The following PPP1R16B variants were observed in gnomAD, a reference collection of about 807,000 sequenced individuals.
PPP1R16B encodes the protein protein phosphatase 1 regulatory subunit 16B.
Under a neutral mutation model 61.7 loss-of-function variants are expected in PPP1R16B, and 14 were observed. The observed-to-expected ratio is 0.23, with a 90% confidence interval of 0.15 to 0.35. PPP1R16B has a LOEUF of 0.35. PPP1R16B is among the 10% of genes least tolerant of loss of function. The pLI, the probability that PPP1R16B is intolerant of heterozygous loss-of-function variation, is 1.00. For missense variants in PPP1R16B, 547 were observed against 752.5 expected (o/e 0.73, Z 3.19); for synonymous variants, 266 against 305.3 (o/e 0.87, Z 1.34).
At chr20:38,890,848 G>A (rs1391433652) in intron 3 of PPP1R16B, among the ~76,000 whole-genome samples, 1 of 152,220 alleles carries the variant, frequency 6.6e-6, no homozygotes, top group Admixed American at 6.5e-5. Flanking sequence ...TCTCCACCTC[G>A]GTACAAGGGC....
intron 2 of PPP1R16B, among the ~76,000 whole-genome samples, chr20:38,840,233 G>T (rs959316029): frequency 2.6e-5 from 4 of 152,188 alleles, no homozygotes; most frequent in Non-Finnish European, 5.9e-5. Context: ...GGAGGCTGCC[G>T]GGGTGTTAGC....
At chr20:38,855,929 TATATATATATATATAG>T (rs1424999996) in intron 2 of PPP1R16B, among the ~76,000 whole-genome samples, 2 of 54,662 alleles carry the variant, frequency 3.7e-5, no homozygotes, top group Non-Finnish European at 6.3e-5. Flanking sequence ...TATATATATA[TATATATATATATATAG>T]AGAGAGAGAG....
intron 1 of PPP1R16B, among the ~76,000 whole-genome samples, chr20:38,833,800 C>T (rs2084852395): frequency 6.6e-6 from 1 of 152,230 alleles, no homozygotes. Flanking sequence ...TGCTTACTCT[C>T]CAGTCTCCGA....
chr20:38,895,602 T>G lies in PPP1R16B; in HGVS notation c.359T>G (p.Leu120Arg), dbSNP rs771658390. The G allele has an allele frequency of 6.2e-7, 1 of 1,613,722 alleles. No homozygotes were observed. Among genetic ancestry groups the G allele is most frequent in the Non-Finnish European group, 8.5e-7 (1 of 1,179,672 alleles). ...AACTTTGAGGAAATTGTGAAGCTGC[T>G]CCTCTCCCATGGTGCCAATGTGAAC... ...IDNFEEIVKL[L>R]LSHGANVNAK... The change falls in exon 4 of 11, where the codon CTC becomes CGC. Residue 120 changes from leucine to arginine, a missense_variant. By Grantham distance (102) the Leu-to-Arg change is moderately radical (BLOSUM62 -2). Coordinates refer to ENST00000299824, the MANE Select transcript of PPP1R16B (RefSeq NM_015568.4).
intron 4 of PPP1R16B, among the ~76,000 whole-genome samples, chr20:38,897,146 C>CAAAT (rs560462506): frequency 6.1e-4 from 93 of 151,884 alleles, no homozygotes; most frequent in South Asian, 4.6e-3. Context: ...AACTGCACCT[C>CAAAT]AAATAAATAA....
intron 3 of PPP1R16B, among the ~76,000 whole-genome samples, chr20:38,891,550 G>A (rs1490116391): frequency 3.3e-5 from 5 of 152,188 alleles, no homozygotes; most frequent in South Asian, 2.1e-4. Context: ...CTGTAATCCC[G>A]GCTCTTTGGG....
Position 38,918,597 on chromosome 20 carries a change from A to T in PPP1R16B, c.1635A>T (p.Pro545=). The part of the protein sequence containing the change: ...VYYTVTSGDP[P]LLKFKAPIEE... ...ACACGGTCACCAGCGGAGATCCCCCACTCTTAAAGTTCAAGGCCCCCATAG... is the reference window on the plus strand; with the variant it reads ...ACACGGTCACCAGCGGAGATCCCCCTCTCTTAAAGTTCAAGGCCCCCATAG... Residue 545 remains proline (P), a synonymous_variant, in exon 11 of 11, where the codon CCA becomes CCT. Coordinates refer to ENST00000299824, the MANE Select transcript of PPP1R16B (RefSeq NM_015568.4). This position sits in a 1 kb window ranked among gnomAD's most constrained non-coding sequence, Gnocchi z 5.3. 1 of 1,528,438 alleles carries T rather than the reference A, an allele frequency of 6.5e-7. No homozygotes were observed. Among genetic ancestry groups the T allele is most frequent in the Non-Finnish European group, 8.8e-7 (1 of 1,138,710 alleles). The allele number at this position is 1,528,438 out of a possible 1,614,324, so 94.7% of individuals were successfully genotyped here. A position where few individuals can be genotyped will look rare whatever the true frequency, so the allele number is the denominator to read the frequency against.
At chr20:38,883,321 C>T (rs1170219807) in intron 2 of PPP1R16B, among the ~76,000 whole-genome samples, 1 of 152,352 alleles carries the variant, frequency 6.6e-6, no homozygotes, top group Admixed American at 6.5e-5. Context: ...CTCTGTGAGA[C>T]GGAGTGGGTC....
chr20:38,862,335 G>A (rs1395347255), intron 2 of PPP1R16B, among the ~76,000 whole-genome samples: 3 of 152,276 alleles, frequency 2.0e-5, no homozygotes, highest in East Asian at 1.9e-4. Context: ...ACTATAAGGC[G>A]GAGGATACTA....
chr20:38,866,378 C>G (rs555859534), intron 2 of PPP1R16B, among the ~76,000 whole-genome samples: 1 of 152,154 alleles, frequency 6.6e-6, no homozygotes, highest in Admixed American at 6.5e-5. Flanking sequence ...GAGTCTCTTT[C>G]CCTCATCTGT....
intron 2 of PPP1R16B, among the ~76,000 whole-genome samples, chr20:38,875,430 T>C (rs1768482247): frequency 6.6e-6 from 1 of 152,316 alleles, no homozygotes; most frequent in African/African-American, 2.4e-5. Flanking sequence ...TATCTGGAAG[T>C]CACAGGAGAT....
chr20:38,868,387 GTT>G (rs765292512), intron 2 of PPP1R16B, among the ~76,000 whole-genome samples: 6 of 145,604 alleles, frequency 4.1e-5, no homozygotes, highest in African/African-American at 5.0e-5. Flanking sequence ...CAAATGGTAA[GTT>G]TTTTTTTTTT....
chr20:38,909,439 T>C (rs1371319965), intron 10 of PPP1R16B, among the ~76,000 whole-genome samples: 3 of 152,158 alleles, frequency 2.0e-5, no homozygotes, highest in Admixed American at 6.5e-5. Context: ...CAGGTAGACA[T>C]GAATTTTTGA....
intron 3 of PPP1R16B, 26 bp from the exon 4 acceptor site, chr20:38,895,539 T>C (rs2085327459): frequency 1.9e-6 from 3 of 1,611,436 alleles, no homozygotes; most frequent in Admixed American, 1.7e-5. Flanking sequence ...TGCCTGGAGC[T>C]GACTCTGCCT....
At chr20:38,818,175 T>C (rs1395157483) in intron 1 of PPP1R16B, among the ~76,000 whole-genome samples, 3 of 152,358 alleles carry the variant, frequency 2.0e-5, no homozygotes, top group South Asian at 2.1e-4. Flanking sequence ...AGTTGTGACT[T>C]TGGGCGTGTC....
At chr20:38,836,531 A>C (rs2084873661) in intron 2 of PPP1R16B, among the ~76,000 whole-genome samples, 1 of 152,136 alleles carries the variant, frequency 6.6e-6, no homozygotes, top group Non-Finnish European at 1.5e-5. Context: ...TAAAACAAAA[A>C]AAATTTGTAG....
intron 2 of PPP1R16B, among the ~76,000 whole-genome samples, chr20:38,880,082 A>G (rs1369371603): frequency 1.3e-5 from 2 of 152,200 alleles, no homozygotes; most frequent in African/African-American, 4.8e-5. Flanking sequence ...TTCTGCGGTC[A>G]TCAGAAATTG....
At chr20:38,886,231 C>T (rs2085243847) in intron 2 of PPP1R16B, among the ~76,000 whole-genome samples, 1 of 152,162 alleles carries the variant, frequency 6.6e-6, no homozygotes, top group African/African-American at 2.4e-5. Flanking sequence ...GCTGAGGCAG[C>T]CTTGGCTCAT....
chr20:38,809,806 C>T (rs549230542), intron 1 of PPP1R16B, among the ~76,000 whole-genome samples: 2 of 151,808 alleles, frequency 1.3e-5, no homozygotes, highest in East Asian at 3.9e-4. Context: ...ATGGCAAAAC[C>T]CCGTCTCTAC....
Sources: gnomAD v4.1 joint callset for allele counts (sites outside exome capture counted in the v4.1 genomes callset) on GRCh38, gnomAD v4.1.1 for gene constraint, Gnocchi (gnomAD v3.1) non-coding constraint, MANE v1.5 for transcripts, NCBI Gene and HGNC (gene_info 2026-07-23, HGNC 2026-07-21) for gene names.